Variants in USP34 observed in about 807,000 individuals in gnomAD.
USP34 encodes ubiquitin carboxyl-terminal hydrolase 34.
In USP34, 70 loss-of-function variants were observed where a neutral mutation model predicts 460.3. The observed-to-expected ratio is 0.15, with a 90% CI of 0.13 to 0.19. The LOEUF (loss-of-function observed/expected upper bound fraction) is 0.19. Ranked by LOEUF, USP34 falls within the 10% of genes least tolerant of loss-of-function variation. The probability of loss-of-function intolerance (pLI) is 1.00; values close to 1 mark genes in which losing one functional copy is unlikely to be tolerated. For synonymous variants in USP34, 1,647 were observed against 1,405.3 expected (o/e 1.17, Z -3.85); for missense variants, 3,985 against 4,236.2 (o/e 0.94, Z 1.65).
intron 1 of USP34, among the ~76,000 whole-genome samples, chr2:61,451,760 G>A (rs1459588775): frequency 6.6e-6 from 1 of 151,770 alleles, no homozygotes; most frequent in African/African-American, 2.4e-5. Context: ...ATTCAAATTT[G>A]CTAAAATCAC....
chr2:61,265,659 TAATA>T, intron 42 of USP34, 102 bp from the exon 43 acceptor site: 1 of 1,039,420 alleles, frequency 9.6e-7, no homozygotes, highest in Non-Finnish European at 1.3e-6. Context: ...GTTACCTCAT[TAATA>T]TATATAGAAC....
At chr2:61,256,272 C>G (rs1056721993) in intron 48 of USP34, 112 bp downstream of exon 48, 2 of 945,974 alleles carry the variant, frequency 2.1e-6, no homozygotes, top group African/African-American at 3.4e-5. Context: ...CTCCATGCAG[C>G]TGATTTTACC....
intron 51 of USP34, among the ~76,000 whole-genome samples, chr2:61,244,475 G>T (rs562640919): frequency 6.6e-6 from 1 of 152,122 alleles, no homozygotes; most frequent in East Asian, 1.9e-4. Context: ...ATTGGCTGGG[G>T]ATGGTGGCAG....
In USP34 at chr2:61,347,995, C is replaced by T. The variant is rs779202850; in HGVS notation, c.2160G>A (p.Glu720=). ...NATHIAQGSQ[E]SCITRTGDFL... ...AGTCCCCAGTTCGTGTGATACAAGA[C>T]TCCTGAGACCCTTGTGCTATATGAG... Residue 720 remains glutamate (E), a synonymous_variant, in exon 15 of 80, where the codon GAG becomes GAA. Transcript: ENST00000398571. The T allele has an allele frequency of 1.2e-6, 2 of 1,614,048 alleles. No homozygotes were observed. The highest frequency in any genetic ancestry group is 1.3e-5 in the African/African-American group (1 of 74,918).
intron 58 of USP34, among the ~76,000 whole-genome samples, chr2:61,230,346 C>A (rs1299726081): frequency 6.6e-6 from 1 of 151,944 alleles, no homozygotes; most frequent in Non-Finnish European, 1.5e-5. Context: ...GCCAACATGG[C>A]AAAACCCCAC....
At chr2:61,386,989 C>G (rs1385868018) in intron 5 of USP34, among the ~76,000 whole-genome samples, 2 of 151,990 alleles carry the variant, frequency 1.3e-5, no homozygotes, top group Non-Finnish European at 2.9e-5. Flanking sequence ...ATATATCAAA[C>G]AAAACACTTC....
chr2:61,457,835 G>A (rs1361943881), intron 1 of USP34, among the ~76,000 whole-genome samples: 2 of 152,118 alleles, frequency 1.3e-5, no homozygotes, highest in Non-Finnish European at 2.9e-5. Context: ...GTGACAGAGT[G>A]AGACCCTGTC....
intron 27 of USP34, among the ~76,000 whole-genome samples, chr2:61,310,837 G>A (rs368637477): frequency 6.6e-6 from 1 of 152,090 alleles, no homozygotes; most frequent in East Asian, 1.9e-4. Flanking sequence ...TAAAGTGGAT[G>A]AGTAGTATAT....
At chr2:61,387,845 A>G (rs557296164) in intron 5 of USP34, among the ~76,000 whole-genome samples, 11 of 148,392 alleles carry the variant, frequency 7.4e-5, no homozygotes, top group Admixed American at 1.3e-4. Flanking sequence ...TTACGTATAC[A>G]CACATGTAAA....
chr2:61,414,280 A>C (rs1487217498), intron 2 of USP34, among the ~76,000 whole-genome samples: 2 of 151,720 alleles, frequency 1.3e-5, no homozygotes, highest in Non-Finnish European at 2.9e-5. Context: ...CTTTAAAAAA[A>C]AAAAGAGTAT....
chr2:61,394,389 G>A (rs1162492997), intron 5 of USP34, among the ~76,000 whole-genome samples: 1 of 151,788 alleles, frequency 6.6e-6, no homozygotes, highest in Admixed American at 6.6e-5. Context: ...GTAAAACTCT[G>A]TCTCTAAAAA....
chr2:61,303,190 C>T (rs770650364), intron 27 of USP34, among the ~76,000 whole-genome samples: 1 of 152,016 alleles, frequency 6.6e-6, no homozygotes, highest in Non-Finnish European at 1.5e-5. Context: ...TCTCGGCCTC[C>T]TGAATAGCTG....
chr2:61,299,405 T>C (rs1006975554), intron 29 of USP34, among the ~76,000 whole-genome samples: 3 of 152,152 alleles, frequency 2.0e-5, no homozygotes, highest in African/African-American at 4.8e-5. Context: ...TTTTAAAAGT[T>C]AGTGGATTGA....
At chr2:61,381,929 A>G (rs1692987082) in intron 6 of USP34, among the ~76,000 whole-genome samples, 1 of 152,174 alleles carries the variant, frequency 6.6e-6, no homozygotes, top group Admixed American at 6.5e-5. Context: ...TGATATCCAC[A>G]GTACAAATAA....
chr2:61,421,169 C>T (rs893920800), intron 1 of USP34, among the ~76,000 whole-genome samples: 2 of 152,178 alleles, frequency 1.3e-5, no homozygotes, highest in African/African-American at 4.8e-5. Flanking sequence ...TCTTGTTCTC[C>T]AGTGCCTATA....
chr2:61,355,029 G>C (rs888789119), intron 10 of USP34, among the ~76,000 whole-genome samples: 1 of 152,174 alleles, frequency 6.6e-6, no homozygotes, highest in African/African-American at 2.4e-5. Flanking sequence ...CTGCAAGACA[G>C]GCACTCCCCG....
In USP34 at chr2:61,369,951, G is replaced by C. The variant is rs569617127; in HGVS notation, c.1251+370C>G. On this transcript the variant is annotated intron_variant, in intron 10 of 79. Transcript: ENST00000398571. ...TAATATATTTTTTATATTTACTTTTGGAATTTTGAATCATGTGGATATATG... is the reference window on the plus strand; with the variant it reads ...TAATATATTTTTTATATTTACTTTTCGAATTTTGAATCATGTGGATATATG... 1.7e-4 allele frequency among the ~76,000 whole-genome samples: 25 copies of C among 146,646 alleles called. No individual in the cohort carries two copies. The South Asian group carries it at 4.8e-3, about 28-fold the overall frequency.
In USP34 at chr2:61,229,012, TA is replaced by T. The variant is rs1174413665; in HGVS notation, c.7200-18del. 6.5e-7 allele frequency: 1 copy of T among 1,532,672 alleles called. No individual in the cohort carries two copies. The highest frequency in any genetic ancestry group is 1.4e-5 in the African/African-American group (1 of 72,212). The allele number at this position is 1,532,672 out of a possible 1,614,324, so 94.9% of individuals were successfully genotyped here. On this transcript the variant is annotated intron_variant, in intron 59 of 79. Transcript: ENST00000398571. ...TCATCTGACCTAAGAGACAATTAAA[TA>T]GATCTTAGAGAATGTATGAGGTCTG...
chr2:61,251,038 TGAGGCA>T (rs921715832), intron 48 of USP34, among the ~76,000 whole-genome samples: 17 of 152,138 alleles, frequency 1.1e-4, no homozygotes, highest in African/African-American at 4.1e-4. Flanking sequence ...CTCAGGAGGC[TGAGGCA>T]GGAGAATGGC....
Sources: allele counts gnomAD v4.1 joint callset (sites outside exome capture counted in the v4.1 genomes callset), GRCh38; gene constraint gnomAD v4.1.1; transcripts MANE v1.5; gene names NCBI Gene and HGNC (gene_info 2026-07-23, HGNC 2026-07-21).